FHIT: variants seen among roughly 807,000 people sequenced by gnomAD.
FHIT encodes the protein bis(5'-adenosyl)-triphosphatase.
FHIT carries 19 observed loss-of-function variants against 17.9 expected under a neutral mutation model. The observed-to-expected ratio is 1.06, with a 90% confidence interval of 0.74 to 1.56. FHIT has a LOEUF of 1.56. FHIT is among the 40% of genes most tolerant of loss of function. The pLI is 0.00. For synonymous variants in FHIT, 81 were observed against 69.7 expected (o/e 1.16, Z -0.81); for missense variants, 248 against 189.2 (o/e 1.31, Z -1.82).
intron 5 of FHIT, among the ~76,000 whole-genome samples, chr3:60,510,931 A>C (rs1348432460): frequency 6.6e-6 from 1 of 152,220 alleles, no homozygotes; most frequent in African/African-American, 2.4e-5. Flanking sequence ...CGGAGGTCTT[A>C]CATCTAATGT....
intron 5 of FHIT, among the ~76,000 whole-genome samples, chr3:60,246,072 T>C (rs944024179): frequency 2.6e-5 from 4 of 152,126 alleles, no homozygotes; most frequent in Non-Finnish European, 5.9e-5. Context: ...TTTTATATTG[T>C]TTACCCTGGC....
At chr3:60,565,522 G>A (rs953424038) in intron 4 of FHIT, among the ~76,000 whole-genome samples, 2 of 152,004 alleles carry the variant, frequency 1.3e-5, no homozygotes, top group Non-Finnish European at 2.9e-5. Context: ...AAATATGAGA[G>A]CAATGGATTT....
At chr3:59,853,063 G>A (rs910397076) in intron 8 of FHIT, among the ~76,000 whole-genome samples, 1 of 152,160 alleles carries the variant, frequency 6.6e-6, no homozygotes, top group African/African-American at 2.4e-5. Context: ...GCTGGATCAT[G>A]TTGTAAGAGC....
chr3:59,763,212 T>C (rs1309666789), intron 8 of FHIT, among the ~76,000 whole-genome samples: 1 of 152,242 alleles, frequency 6.6e-6, no homozygotes, highest in Non-Finnish European at 1.5e-5. Context: ...TTCTGCTACA[T>C]ATGGCTTCTT....
chr3:60,435,551 C>G (rs545501434), intron 5 of FHIT, among the ~76,000 whole-genome samples: 2 of 152,166 alleles, frequency 1.3e-5, no homozygotes, highest in South Asian at 2.1e-4. Flanking sequence ...GCTAATACCT[C>G]CAGGGCACAT....
At chr3:61,204,714 A>C (rs1414438299) in intron 1 of FHIT, among the ~76,000 whole-genome samples, 1 of 152,222 alleles carries the variant, frequency 6.6e-6, no homozygotes, top group African/African-American at 2.4e-5. Flanking sequence ...AGTGTGGATA[A>C]GTACACACCA....
intron 2 of FHIT, among the ~76,000 whole-genome samples, chr3:61,159,973 T>C (rs561971048): frequency 1.7e-4 from 26 of 152,310 alleles, no homozygotes; most frequent in Non-Finnish European, 1.3e-4. Flanking sequence ...CCTTGAGTTT[T>C]TGACACTAGG....
intron 4 of FHIT, among the ~76,000 whole-genome samples, chr3:60,599,314 A>C (rs1298614386): frequency 6.6e-6 from 1 of 152,224 alleles, no homozygotes; most frequent in Non-Finnish European, 1.5e-5. Flanking sequence ...TGATATATCC[A>C]CAGTCACAGT....
chr3:61,068,331 T>A (rs2034684804), intron 2 of FHIT, among the ~76,000 whole-genome samples: 1 of 152,180 alleles, frequency 6.6e-6, no homozygotes, highest in African/African-American at 2.4e-5. Context: ...TTATTGCCTG[T>A]CAGCTGAAGA....
chr3:60,952,087 A>G (rs1161859409), intron 3 of FHIT, among the ~76,000 whole-genome samples: 1 of 151,610 alleles, frequency 6.6e-6, no homozygotes, highest in Non-Finnish European at 1.5e-5. Context: ...AATTGCTTAA[A>G]CCTGGGAGGC....
chr3:60,498,753 T>C (rs550993634), intron 5 of FHIT, among the ~76,000 whole-genome samples: 12 of 152,122 alleles, frequency 7.9e-5, no homozygotes, highest in Non-Finnish European at 1.5e-4. Flanking sequence ...CCATTTTACC[T>C]GATTCTAGGA....
intron 5 of FHIT, among the ~76,000 whole-genome samples, chr3:60,466,968 AT>A (rs1559938214): frequency 6.6e-6 from 1 of 151,598 alleles, no homozygotes; most frequent in Non-Finnish European, 1.5e-5. Flanking sequence ...TTCTTTACGC[AT>A]TTGCTAAAAT....
intron 4 of FHIT, among the ~76,000 whole-genome samples, chr3:60,688,797 A>G (rs1345560767): frequency 6.6e-6 from 1 of 152,166 alleles, no homozygotes; most frequent in Non-Finnish European, 1.5e-5. Context: ...ATTGCCGTAA[A>G]TGATATGTTT....
At chr3:60,064,221 A>T (rs1702406509) in intron 5 of FHIT, among the ~76,000 whole-genome samples, 1 of 152,204 alleles carries the variant, frequency 6.6e-6, no homozygotes, top group Admixed American at 6.5e-5. Flanking sequence ...AATGAAACAT[A>T]AAAGTAAAAT....
intron 5 of FHIT, among the ~76,000 whole-genome samples, chr3:60,534,797 C>T (rs1359492566): frequency 6.6e-6 from 1 of 152,088 alleles, no homozygotes; most frequent in Non-Finnish European, 1.5e-5. Flanking sequence ...ATGGTGACAC[C>T]AGTGCCATCT....
chr3:59,792,533 GC>G (rs1699607631), intron 8 of FHIT, among the ~76,000 whole-genome samples: 1 of 152,086 alleles, frequency 6.6e-6, no homozygotes, highest in Non-Finnish European at 1.5e-5. Flanking sequence ...GGACTGACAG[GC>G]CCTGAACAGA....
At chr3:60,493,998 G>C (rs1258541218) in intron 5 of FHIT, among the ~76,000 whole-genome samples, 1 of 152,068 alleles carries the variant, frequency 6.6e-6, no homozygotes, top group Non-Finnish European at 1.5e-5. Flanking sequence ...ACAAATTACA[G>C]AATGTATCTT....
At chr3:61,090,016 A>C (rs1006380330) in intron 2 of FHIT, among the ~76,000 whole-genome samples, 3 of 152,218 alleles carry the variant, frequency 2.0e-5, no homozygotes, top group Non-Finnish European at 4.4e-5. Flanking sequence ...TACATGATGA[A>C]GTTTTCATTC....
intron 5 of FHIT, among the ~76,000 whole-genome samples, chr3:60,035,325 C>A (rs1224441320): frequency 6.6e-6 from 1 of 152,220 alleles, no homozygotes; most frequent in Non-Finnish European, 1.5e-5. Context: ...CAACCCCTGC[C>A]TCCTGGGTTC....
Sources: allele counts gnomAD v4.1 joint callset (sites outside exome capture counted in the v4.1 genomes callset), GRCh38; gene constraint gnomAD v4.1.1; transcripts MANE v1.5; gene names NCBI Gene and HGNC (gene_info 2026-07-23, HGNC 2026-07-21).